Variants in ROR1 observed in about 807,000 individuals in gnomAD.
ROR1 encodes the protein inactive tyrosine-protein kinase transmembrane receptor ROR1.
Under a neutral mutation model 78.8 loss-of-function variants are expected in ROR1, and 19 were observed. The ratio of observed to expected loss-of-function variants is 0.24; its 90% CI spans 0.17 to 0.35. The LOEUF (loss-of-function observed/expected upper bound fraction) is 0.35. ROR1 is among the 10% of genes least tolerant of loss of function. ROR1 has a pLI of 1.00. For synonymous variants in ROR1, 386 were observed against 433.6 expected (o/e 0.89, Z 1.36); for missense variants, 917 against 1,177.8 (o/e 0.78, Z 3.24).
intron 1 of ROR1, chr1:63,775,316 G>A (rs1156620071): frequency 2.0e-5 from 3 of 152,248 alleles, no homozygotes; most frequent in Admixed American, 6.5e-5. Flanking sequence ...GTCTTAGTTC[G>A]CTGCGGGAAG....
At chr1:63,959,704 C>G (rs918493144) in intron 1 of ROR1, among the ~76,000 whole-genome samples, 1 of 152,142 alleles carries the variant, frequency 6.6e-6, no homozygotes, top group Non-Finnish European at 1.5e-5. Context: ...GCTTGCTACC[C>G]GAATCAACAT....
chr1:63,951,936 G>C (rs1645943417), intron 1 of ROR1, among the ~76,000 whole-genome samples: 1 of 152,068 alleles, frequency 6.6e-6, no homozygotes, highest in Non-Finnish European at 1.5e-5. Flanking sequence ...TCATTCATTG[G>C]TTCATTTATT....
At chr1:63,965,296 A>G (rs958986238) in intron 1 of ROR1, among the ~76,000 whole-genome samples, 5 of 152,150 alleles carry the variant, frequency 3.3e-5, no homozygotes, top group African/African-American at 1.2e-4. Flanking sequence ...TGTATTTACA[A>G]TCCATCCTCA....
chr1:63,880,339 C>A (rs145429961), intron 1 of ROR1, among the ~76,000 whole-genome samples: 3 of 152,106 alleles, frequency 2.0e-5, no homozygotes, highest in East Asian at 1.9e-4. Flanking sequence ...CCAAAATATT[C>A]TTCTCATGGG....
At chr1:63,907,160 T>C (rs1645535919) in intron 1 of ROR1, among the ~76,000 whole-genome samples, 2 of 152,214 alleles carry the variant, frequency 1.3e-5, no homozygotes, top group Admixed American at 6.5e-5. Flanking sequence ...TGCTAGAATA[T>C]CTGTCGTATC....
At chr1:63,944,517 C>T (rs1645868911) in intron 1 of ROR1, among the ~76,000 whole-genome samples, 2 of 152,202 alleles carry the variant, frequency 1.3e-5, no homozygotes, top group East Asian at 3.8e-4. Context: ...GTATCAATAG[C>T]TCTCTTAGCC....
chr1:64,003,870 C>T (rs1442078367), intron 1 of ROR1, among the ~76,000 whole-genome samples: 1 of 152,230 alleles, frequency 6.6e-6, no homozygotes, highest in Non-Finnish European at 1.5e-5. Context: ...TAAAGTAACA[C>T]TGAAAACCAA....
At chr1:64,003,393 A>T (rs1456917807) in intron 1 of ROR1, among the ~76,000 whole-genome samples, 1 of 152,190 alleles carries the variant, frequency 6.6e-6, no homozygotes, top group Non-Finnish European at 1.5e-5. Context: ...GTAATTGAGC[A>T]GGGGTTTAAA....
intron 4 of ROR1, among the ~76,000 whole-genome samples, chr1:64,067,770 T>C (rs578061756): frequency 1.4e-5 from 2 of 146,704 alleles, no homozygotes; most frequent in East Asian, 4.0e-4. Context: ...TAGAGTGCAG[T>C]GGTGTGACCT....
At chr1:63,855,556 T>TA (rs1207019727) in intron 1 of ROR1, among the ~76,000 whole-genome samples, 1 of 152,200 alleles carries the variant, frequency 6.6e-6, no homozygotes, top group Non-Finnish European at 1.5e-5. Flanking sequence ...AGTTTACTAA[T>TA]ATTTATCCTC....
At chr1:64,134,150 A>G (rs991464827) in intron 4 of ROR1, among the ~76,000 whole-genome samples, 6 of 152,286 alleles carry the variant, frequency 3.9e-5, no homozygotes, top group East Asian at 1.9e-4. Flanking sequence ...TAAGTTCTCT[A>G]TGCTTTCTGA....
In ROR1 at chr1:63,903,640, G is replaced by A. The variant is rs149218604; in HGVS notation, c.92-105665G>A. Among the ~76,000 whole-genome samples, 1,385 of 151,762 alleles carry A rather than the reference G, an allele frequency of 9.1e-3. 6 individuals are homozygous for A. Among genetic ancestry groups the A allele is most frequent in the Admixed American group, 0.015 (228 of 15,262 alleles). ...TGTCCATAGGTGCTCAGTCTCATTT[G>A]TTTCTGGTTTAACTTTACTGTATTT... is the stretch of plus-strand genomic sequence containing the variant. On this transcript the variant is annotated intron_variant, in intron 1 of 8. Coordinates refer to ENST00000371079, the MANE Select transcript of ROR1 (RefSeq NM_005012.4).
intron 1 of ROR1, among the ~76,000 whole-genome samples, chr1:63,890,413 T>A (rs1309984176): frequency 6.7e-6 from 1 of 150,264 alleles, no homozygotes; most frequent in East Asian, 1.9e-4. Flanking sequence ...GTGCTACATG[T>A]AATAGGTATA....
At position 64,177,690 on chromosome 1, in the gene ROR1, T is replaced by C. The variant is rs1650423080; in HGVS notation, c.1649T>C (p.Met550Thr). 2.5e-6 allele frequency: 4 copies of C among 1,614,210 alleles called. No individual in the cohort carries two copies. Among genetic ancestry groups the C allele is most frequent in the Non-Finnish European group, 3.4e-6 (4 of 1,180,024 alleles). Reference sequence around the variant, plus strand: ...GTCACTCAGGAACAACCTGTGTGCATGCTTTTTGAGTATATTAATCAGGGG... The same window carrying C: ...GTCACTCAGGAACAACCTGTGTGCACGCTTTTTGAGTATATTAATCAGGGG... ...GAVTQEQPVC[M>T]LFEYINQGDL... The change falls in exon 9 of 9, where the codon ATG (methionine) becomes ACG (threonine). Residue 550 changes from methionine to threonine, a missense_variant. Transcript: ENST00000371079.
chr1:63,926,254 C>G (rs1391892536), intron 1 of ROR1, among the ~76,000 whole-genome samples: 1 of 148,560 alleles, frequency 6.7e-6, no homozygotes, highest in Non-Finnish European at 1.5e-5. Context: ...TTTCCCAGCA[C>G]CATTTATTAA....
intron 2 of ROR1, among the ~76,000 whole-genome samples, chr1:64,023,791 C>T (rs574069608): frequency 6.6e-6 from 1 of 152,240 alleles, no homozygotes; most frequent in Non-Finnish European, 1.5e-5. Context: ...TTTTTAACAT[C>T]ATTTTTATTG....
At chr1:63,961,771 C>T (rs976150765) in intron 1 of ROR1, among the ~76,000 whole-genome samples, 4 of 152,138 alleles carry the variant, frequency 2.6e-5, no homozygotes, top group African/African-American at 4.8e-5. Context: ...TTCTAGTTTT[C>T]GACAGCACAG....
chr1:63,979,596 G>A (rs1285167724), intron 1 of ROR1, among the ~76,000 whole-genome samples: 3 of 152,234 alleles, frequency 2.0e-5, no homozygotes, highest in East Asian at 3.9e-4. Context: ...TCTTTCTTCT[G>A]GCCTTCAGTC....
At chr1:64,084,531 G>A (rs1333983352) in intron 4 of ROR1, among the ~76,000 whole-genome samples, 1 of 152,172 alleles carries the variant, frequency 6.6e-6, no homozygotes, top group Admixed American at 6.5e-5. Context: ...AGATCAAAGG[G>A]CAGTAGCCTG....
Sources: gnomAD v4.1 joint callset for allele counts (sites outside exome capture counted in the v4.1 genomes callset) on GRCh38, gnomAD v4.1.1 for gene constraint, MANE v1.5 for transcripts, NCBI Gene and HGNC (gene_info 2026-07-23, HGNC 2026-07-21) for gene names.